The following RNF220 variants were observed in gnomAD, a reference collection of about 807,000 sequenced individuals.
RNF220 encodes the protein ring finger protein 220.
In RNF220, 7 loss-of-function variants were observed where a neutral mutation model predicts 67.1. That is an observed-to-expected ratio of 0.10 (90% CI 0.06 to 0.20). RNF220 has a LOEUF of 0.20. Among genes scored for constraint, RNF220 ranks in the 10% least tolerant of loss-of-function variants. The pLI, the probability that RNF220 is intolerant of heterozygous loss-of-function variation, is 1.00. For synonymous variants in RNF220, 270 were observed against 283.2 expected (o/e 0.95, Z 0.47); for missense variants, 565 against 740.3 (o/e 0.76, Z 2.75).
intron 2 of RNF220, among the ~76,000 whole-genome samples, chr1:44,612,169 G>T (rs1047386928): frequency 1.3e-5 from 2 of 152,234 alleles, no homozygotes; most frequent in Non-Finnish European, 1.5e-5. Flanking sequence ...CTCCTGGATG[G>T]CTGGAGCTGC....
chr1:44,488,714 CTTTTTCT>C (rs1227409047), intron 2 of RNF220, among the ~76,000 whole-genome samples: 3 of 143,220 alleles, frequency 2.1e-5, no homozygotes, highest in Non-Finnish European at 4.6e-5. Context: ...TAGCCTTTTT[CTTTTTCT>C]TTTTTCTTTT....
rs550524965 is a variant in RNF220, at chr1:44,518,406, G to A, written c.626-95759G>A. ...CCCCACTGCACCCTACTCACTCTGG[G>A]TGACAGAGTGAGATCCTGTCTCTAA... On this transcript the variant is annotated intron_variant, in intron 2 of 14. Transcript: ENST00000361799. Among the ~76,000 whole-genome samples the A allele has an allele frequency of 1.4e-4, 22 of 152,226 alleles. No homozygotes were observed. In the South Asian group the frequency reaches 3.1e-3, roughly 22 times the overall value.
At chr1:44,419,037 CA>C (rs1648920601) in intron 2 of RNF220, among the ~76,000 whole-genome samples, 1 of 152,028 alleles carries the variant, frequency 6.6e-6, no homozygotes, top group Non-Finnish European at 1.5e-5. Context: ...TTTTAAACAC[CA>C]AAATAGCAAT....
At chr1:44,411,078 T>C (rs1216682784) in intron 1 of RNF220, among the ~76,000 whole-genome samples, 1 of 152,248 alleles carries the variant, frequency 6.6e-6, no homozygotes, top group Non-Finnish European at 1.5e-5. Flanking sequence ...TTGTTCTAAA[T>C]GTTAATGGCA....
At chr1:44,459,937 T>C (rs1653597990) in intron 2 of RNF220, among the ~76,000 whole-genome samples, 1 of 151,982 alleles carries the variant, frequency 6.6e-6, no homozygotes, top group Non-Finnish European at 1.5e-5. Flanking sequence ...TGGTGCTTAG[T>C]TTGAGTTTTC....
intron 2 of RNF220, among the ~76,000 whole-genome samples, chr1:44,485,727 G>C (rs1397035320): frequency 6.6e-6 from 1 of 152,136 alleles, no homozygotes; most frequent in Non-Finnish European, 1.5e-5. Context: ...CCAGTTACGA[G>C]GTCTGCACCG....
rs547639003 is a variant in RNF220 at position 44,515,200 on chromosome 1, G to A, written c.626-98965G>A. ...AATCTCAGCCCAGACAAACCAGGAG[G>A]TTTCAAGACCACTAGGGGAATCCAG... On this transcript the variant is annotated intron_variant, in intron 2 of 14. Transcript: ENST00000361799. 3.9e-5 allele frequency among the ~76,000 whole-genome samples: 6 copies of A among 152,314 alleles called. No homozygotes were observed. The South Asian group carries it at 1.2e-3, about 32-fold the overall frequency.
At chr1:44,632,115 C>T in intron 5 of RNF220, 2 of 1,485,920 alleles carry the variant, frequency 1.3e-6, no homozygotes, top group Non-Finnish European at 1.8e-6. Context: ...CGGCACCGCG[C>T]AGCGGCCACG....
At position 44,606,222 on chromosome 1, in the gene RNF220, A is replaced by G. The variant is rs1667264525; in HGVS notation, c.626-7943A>G. Among the ~76,000 whole-genome samples, 1 of 152,272 alleles carries G rather than the reference A, an allele frequency of 6.6e-6. No individual in the cohort carries two copies. Among genetic ancestry groups the G allele is most frequent in the South Asian group, 2.1e-4 (1 of 4,834 alleles). The stretch of plus-strand genomic sequence containing the variant: ...CTGGCCCGGAGACTGGGGAATGCCA[A>G]TATACGATGACAGATCACATATTGA... On this transcript the variant is annotated intron_variant, in intron 2 of 14. Transcript: ENST00000361799. The surrounding 1 kb of genome is among the most constrained non-coding windows in gnomAD (Gnocchi z 4.2).
chr1:44,470,012 T>A (rs925306902), intron 2 of RNF220, among the ~76,000 whole-genome samples: 1 of 132,354 alleles, frequency 7.6e-6, no homozygotes, highest in Non-Finnish European at 1.6e-5. Flanking sequence ...CTGATCAGAG[T>A]CACATTTGAA....
At chr1:44,585,490 C>T (rs541144613) in intron 2 of RNF220, among the ~76,000 whole-genome samples, 2 of 152,324 alleles carry the variant, frequency 1.3e-5, no homozygotes, top group African/African-American at 4.8e-5. Flanking sequence ...GCTGTTCTAC[C>T]TAAGTCCCTA....
chr1:44,508,483 C>T lies in RNF220; in HGVS notation c.625+95761C>T, dbSNP rs931439595. ...CTCAGGAACGCCTGCATCTTAGTTTCCGCTCTTGGGCTGGGTGCCCCAAAA... is the reference window on the plus strand; with the variant it reads ...CTCAGGAACGCCTGCATCTTAGTTTTCGCTCTTGGGCTGGGTGCCCCAAAA... On this transcript the variant is annotated intron_variant, in intron 2 of 14. Coordinates refer to ENST00000361799, the MANE Select transcript of RNF220 (RefSeq NM_018150.4). 9.2e-5 allele frequency among the ~76,000 whole-genome samples: 14 copies of T among 152,346 alleles called. No individual in the cohort carries two copies. The East Asian group carries it at 2.3e-3, about 25-fold the overall frequency.
chr1:44,405,216 C>CGTGT, upstream of RNF220: 1 of 344,904 alleles, frequency 2.9e-6, no homozygotes, highest in East Asian at 5.9e-5. Context: ...TGTGTGCGCG[C>CGTGT]GTGTGTGTGT....
At chr1:44,438,664 T>C (rs1651231040) in intron 2 of RNF220, among the ~76,000 whole-genome samples, 1 of 152,152 alleles carries the variant, frequency 6.6e-6, no homozygotes, top group South Asian at 2.1e-4. Context: ...CTGTGACCCA[T>C]TTAAGGAGAC....
At chr1:44,647,783 T>C (rs972831706) in intron 12 of RNF220, among the ~76,000 whole-genome samples, 4 of 152,122 alleles carry the variant, frequency 2.6e-5, no homozygotes, top group African/African-American at 9.7e-5. Context: ...CCTGAGCCAA[T>C]TGTCTCCCCT....
At chr1:44,536,159 C>T (rs867141879) in intron 2 of RNF220, among the ~76,000 whole-genome samples, 4 of 152,282 alleles carry the variant, frequency 2.6e-5, no homozygotes, top group African/African-American at 9.6e-5. Context: ...TACAGGCTGT[C>T]TGGGAAAGTC....
intron 8 of RNF220, among the ~76,000 whole-genome samples, chr1:44,642,844 C>T (rs1044519985): frequency 3.3e-5 from 5 of 152,046 alleles, no homozygotes; most frequent in Non-Finnish European, 7.3e-5. Context: ...TGCTGAGCTG[C>T]GTGTACTTGG....
chr1:44,440,582 A>G (rs1384328026), intron 2 of RNF220, among the ~76,000 whole-genome samples: 2 of 152,232 alleles, frequency 1.3e-5, no homozygotes, highest in African/African-American at 4.8e-5. Flanking sequence ...AATTTAAGAC[A>G]TTTGACCAAT....
intron 2 of RNF220, among the ~76,000 whole-genome samples, chr1:44,549,579 G>A (rs1360299631): frequency 6.6e-6 from 1 of 152,166 alleles, no homozygotes; most frequent in Non-Finnish European, 1.5e-5. Context: ...TGCCCAGCGT[G>A]ATCAGCCTGA....
Sources: allele counts gnomAD v4.1 joint callset (sites outside exome capture counted in the v4.1 genomes callset), GRCh38; gene constraint gnomAD v4.1.1; non-coding constraint Gnocchi (gnomAD v3.1); transcripts MANE v1.5; gene names NCBI Gene and HGNC (gene_info 2026-07-23, HGNC 2026-07-21).